NCAM2: variants seen among roughly 807,000 people sequenced by gnomAD.
NCAM2 encodes neural cell adhesion molecule 2.
A neutral mutation model predicts 98.1 loss-of-function variants in NCAM2; 30 were observed. The ratio of observed to expected loss-of-function variants is 0.31; its 90% CI spans 0.23 to 0.41. The LOEUF is 0.41. Among genes scored for constraint, NCAM2 ranks in the 10% least tolerant of loss-of-function variants. The pLI is 1.00. For missense variants in NCAM2, 867 were observed against 1,005.8 expected (o/e 0.86, Z 1.87); for synonymous variants, 368 against 342.4 (o/e 1.07, Z -0.83).
intron 12 of NCAM2, among the ~76,000 whole-genome samples, chr21:21,433,565 C>A (rs111452018): frequency 0.075 from 11,277 of 150,996 alleles, 462 homozygotes; most frequent in East Asian, 0.16. Context: ...TGGCGAAACC[C>A]TGTCTCTACT....
At chr21:21,204,554 A>G (rs968946661) in intron 1 of NCAM2, among the ~76,000 whole-genome samples, 8 of 152,142 alleles carry the variant, frequency 5.3e-5, no homozygotes, top group Non-Finnish European at 1.0e-4. Flanking sequence ...CATATTGGAA[A>G]TTAGAGTTGG....
chr21:21,504,648 G>T (rs1286275190), intron 15 of NCAM2, among the ~76,000 whole-genome samples: 1 of 151,692 alleles, frequency 6.6e-6, no homozygotes, highest in African/African-American at 2.4e-5. Context: ...TTTTATAGTT[G>T]TAACAGCCTA....
intron 12 of NCAM2, among the ~76,000 whole-genome samples, chr21:21,443,043 A>T (rs1979543032): frequency 6.6e-6 from 1 of 152,176 alleles, no homozygotes; most frequent in African/African-American, 2.4e-5. Context: ...ACGCAGCTTT[A>T]AATGTGTCCC....
chr21:21,487,660 G>A (rs1266067816), intron 15 of NCAM2, among the ~76,000 whole-genome samples: 1 of 151,966 alleles, frequency 6.6e-6, no homozygotes, highest in African/African-American at 2.4e-5. Context: ...ATATAGATCT[G>A]GATATCTCCT....
intron 1 of NCAM2, among the ~76,000 whole-genome samples, chr21:21,254,949 A>ATGTGTGTGTG (rs58330278): frequency 1.1e-4 from 17 of 148,392 alleles, no homozygotes; most frequent in African/African-American, 4.0e-4. Flanking sequence ...TAGCATATCT[A>ATGTGTGTGTG]TGTGTGTGTG....
intron 1 of NCAM2, among the ~76,000 whole-genome samples, chr21:21,277,056 C>A (rs978517096): frequency 1.3e-5 from 2 of 152,078 alleles, no homozygotes; most frequent in East Asian, 1.9e-4. Flanking sequence ...TTTTTATAAA[C>A]CCTTCCTTAG....
At chr21:21,419,445 G>T (rs2077065863) in intron 11 of NCAM2, among the ~76,000 whole-genome samples, 1 of 148,672 alleles carries the variant, frequency 6.7e-6, no homozygotes, top group African/African-American at 2.5e-5. Flanking sequence ...GTGCCATGCT[G>T]GTGTGCTGCA....
At chr21:21,160,023 C>T (rs535942268) in intron 1 of NCAM2, among the ~76,000 whole-genome samples, 1 of 152,132 alleles carries the variant, frequency 6.6e-6, no homozygotes, top group African/African-American at 2.4e-5. Context: ...TTATGCTCAT[C>T]GCGTATTCAA....
intron 1 of NCAM2, among the ~76,000 whole-genome samples, chr21:21,237,560 T>C (rs924030696): frequency 6.6e-6 from 1 of 152,158 alleles, no homozygotes; most frequent in Non-Finnish European, 1.5e-5. Flanking sequence ...TATGTTTAAA[T>C]AAAGGATTTA....
rs577660684 is a variant in NCAM2, at chr21:21,000,369, A to G, written c.55+1751A>G. ...TACATTGTGAGTGGTTTGGAGAAGA[A>G]AAATGTCTCAGTTGTGGAATCTGAA... On this transcript the variant is annotated intron_variant, in intron 1 of 17. Transcript: ENST00000400546. Among the ~76,000 whole-genome samples, 8 of 152,346 alleles carry G rather than the reference A, an allele frequency of 5.3e-5. No homozygotes were observed. In the South Asian group the frequency reaches 1.0e-3, roughly 20 times the overall value.
chr21:21,362,164 C>G (rs1485541059), intron 8 of NCAM2, among the ~76,000 whole-genome samples: 1 of 151,668 alleles, frequency 6.6e-6, no homozygotes, highest in African/African-American at 2.4e-5. Flanking sequence ...TTTATTTGAA[C>G]AGAGTTTGAA....
At chr21:21,096,564 T>C (rs183831084) in intron 1 of NCAM2, among the ~76,000 whole-genome samples, 1 of 151,936 alleles carries the variant, frequency 6.6e-6, no homozygotes, top group African/African-American at 2.4e-5. Flanking sequence ...AAAATTCTTA[T>C]CAATAATAGT....
At chr21:21,320,224 A>G (rs1394183772) in intron 5 of NCAM2, among the ~76,000 whole-genome samples, 1 of 152,198 alleles carries the variant, frequency 6.6e-6, no homozygotes, top group African/African-American at 2.4e-5. Flanking sequence ...TTGTAACAAG[A>G]CGGATATACC....
rs986713759 is a variant in NCAM2 at position 21,071,085 on chromosome 21, C to T, written c.55+72467C>T. Reference sequence around the variant, plus strand: ...AGCCAGCTGATTACAAACACATAATCAAAGCTTCTGAGCAGTCACAAAATG... The same window carrying T: ...AGCCAGCTGATTACAAACACATAATTAAAGCTTCTGAGCAGTCACAAAATG... On this transcript the variant is annotated intron_variant, in intron 1 of 17. Transcript: ENST00000400546. 5.9e-5 allele frequency among the ~76,000 whole-genome samples: 9 copies of T among 152,188 alleles called. No homozygotes were observed. In the East Asian group the frequency reaches 1.7e-3, roughly 29 times the overall value.
intron 8 of NCAM2, among the ~76,000 whole-genome samples, chr21:21,359,926 TTAAA>T (rs1222227008): frequency 1.3e-5 from 2 of 151,922 alleles, no homozygotes; most frequent in African/African-American, 2.4e-5. Context: ...AACAACAAGA[TTAAA>T]TAAATTTGAA....
chr21:21,025,096 T>A (rs1027460150), intron 1 of NCAM2, among the ~76,000 whole-genome samples: 4 of 152,200 alleles, frequency 2.6e-5, no homozygotes, highest in African/African-American at 9.6e-5. Context: ...ATAACTTTTT[T>A]TTTTTTTGAG....
rs1186649509 is a variant in NCAM2, at chr21:21,540,323, C to A, written c.*2366C>A. 6.7e-6 allele frequency: 1 copy of A among 150,148 alleles called. No individual in the cohort carries two copies. The highest frequency in any genetic ancestry group is 1.5e-5 in the Non-Finnish European group (1 of 67,662). 9.3% of individuals were successfully genotyped at this position (150,148 alleles called of 1,614,324 possible). A position where few individuals can be genotyped will look rare whatever the true frequency, so the allele number is the denominator to read the frequency against. ...TATATATATGATGTTAAATTTCCTG[C>A]CACTCATGTGGAGTAATGATCTGAA... is the stretch of plus-strand genomic sequence containing the variant. On this transcript the variant is annotated 3_prime_UTR_variant, in exon 18 of 18. Transcript: ENST00000400546.
intron 12 of NCAM2, among the ~76,000 whole-genome samples, chr21:21,433,612 A>G (rs989670202): frequency 1.5e-4 from 22 of 151,432 alleles, no homozygotes; most frequent in African/African-American, 4.1e-4. Flanking sequence ...ATGTGGTGGC[A>G]GGCACCTGTA....
At chr21:21,155,368 T>TAG (rs2067579755) in intron 1 of NCAM2, among the ~76,000 whole-genome samples, 1 of 151,748 alleles carries the variant, frequency 6.6e-6, no homozygotes, top group South Asian at 2.1e-4. Context: ...CTCATTTTAA[T>TAG]AGCAGCTCAT....
Sources: allele counts gnomAD v4.1 joint callset (sites outside exome capture counted in the v4.1 genomes callset), GRCh38; gene constraint gnomAD v4.1.1; transcripts MANE v1.5; gene names NCBI Gene and HGNC (gene_info 2026-07-23, HGNC 2026-07-21).